IBSP: variants seen among roughly 807,000 people sequenced by gnomAD.
The protein encoded by IBSP is integrin-binding sialoprotein.
A neutral mutation model predicts 25.5 loss-of-function variants in IBSP; 19 were observed. The ratio of observed to expected loss-of-function variants is 0.74; its 90% CI spans 0.52 to 1.09. IBSP has a LOEUF of 1.09. IBSP is among the 50% of genes least tolerant of loss of function. The pLI, the probability that IBSP is intolerant of heterozygous loss-of-function variation, is 0.00. For missense variants in IBSP, 360 were observed against 382.3 expected (o/e 0.94, Z 0.49); for synonymous variants, 144 against 137.6 (o/e 1.05, Z -0.33).
At position 87,811,568 on chromosome 4, in the gene IBSP, A is replaced by C; in HGVS notation, c.612A>C (p.Glu204Asp). 1 of 1,613,696 alleles carries C rather than the reference A, an allele frequency of 6.2e-7. No individual in the cohort carries two copies. Among genetic ancestry groups the C allele is most frequent in the Non-Finnish European group, 8.5e-7 (1 of 1,179,858 alleles). The change falls in exon 7 of 7, where the codon GAA becomes GAC. Residue 204 changes from glutamate to aspartate, a missense_variant. By Grantham distance (45) the Glu-to-Asp change is conservative. Transcript: ENST00000226284. The part of the protein sequence containing the change: ...GGDNGEEGEE[E>D]SVTGANAEDT... ...ACAATGGAGAAGAAGGGGAAGAAGA[A>C]AGTGTCACTGGAGCCAATGCAGAAG... is the stretch of plus-strand genomic sequence containing the variant.
At chr4:87,802,316 T>G (rs1286144077) in intron 1 of IBSP, 32 bp from the exon 2 acceptor site, 3 of 1,370,058 alleles carry the variant, frequency 2.2e-6, no homozygotes, top group Non-Finnish European at 3.0e-6. Context: ...AGTTTTAATA[T>G]TTTATTAACC....
intron 5 of IBSP, among the ~76,000 whole-genome samples, chr4:87,808,953 A>G (rs1402375230): frequency 2.0e-5 from 3 of 152,204 alleles, no homozygotes; most frequent in African/African-American, 7.2e-5. Context: ...TCTCGAGGCC[A>G]TTTCACCTAA....
chr4:87,801,911 A>G (rs1722022233), intron 1 of IBSP, among the ~76,000 whole-genome samples: 1 of 152,186 alleles, frequency 6.6e-6, no homozygotes, highest in Non-Finnish European at 1.5e-5. Flanking sequence ...TACTGGTTTT[A>G]GAGGCATGAG....
Position 87,811,604 on chromosome 4 carries a change from G to C in IBSP, c.648G>C (p.Glu216Asp). The change falls in exon 7 of 7, where the codon GAG becomes GAC. Residue 216 changes from glutamate (E) to aspartate (D), a missense_variant. By Grantham distance (45) the Glu-to-Asp change is conservative. Transcript: ENST00000226284. ...GAGCCAATGCAGAAGACACCACAGA[G>C]ACCGGAAGGCAGGGCAAGGGCACCT... Reference protein sequence around the residue: ...VTGANAEDTTETGRQGKGTSK... With the variant: ...VTGANAEDTTDTGRQGKGTSK... 6.2e-7 allele frequency: 1 copy of C among 1,613,942 alleles called. No individual in the cohort carries two copies. Among genetic ancestry groups the C allele is most frequent in the East Asian group, 2.2e-5 (1 of 44,856 alleles).
At chr4:87,806,272 A>G in intron 5 of IBSP, 88 bp downstream of exon 5, 3 of 962,512 alleles carry the variant, frequency 3.1e-6, no homozygotes, top group Non-Finnish European at 4.8e-6. Flanking sequence ...GACTCAGCAA[A>G]TAGCCATTGT....
At position 87,811,657 on chromosome 4, in the gene IBSP, G is replaced by T. The variant is rs1262583902; in HGVS notation, c.701G>T (p.Gly234Val). Residue 234 changes from glycine to valine, a missense_variant, in exon 7 of 7, where the codon GGG becomes GTG. Physicochemically the swap from Gly to Val is moderately radical, Grantham distance 109. Transcript: ENST00000226284. ...AAGACAACAACCTCTCCAAATGGTG[G>T]GTTTGAACCTACAACCCCACCACAA... ...TSKTTTSPNGGFEPTTPPQVY... is the reference protein window; with the variant it reads ...TSKTTTSPNGVFEPTTPPQVY... 2 of 1,613,686 alleles carry T rather than the reference G, an allele frequency of 1.2e-6. No individual in the cohort carries two copies. The highest frequency in any genetic ancestry group is 2.2e-5 in the East Asian group (1 of 44,826).
chr4:87,805,939 A>G (rs759632962), intron 4 of IBSP, among the ~76,000 whole-genome samples, 183 bp from the exon 5 acceptor site: 4 of 152,202 alleles, frequency 2.6e-5, no homozygotes, highest in Admixed American at 6.5e-5. Flanking sequence ...CTAATCTCCT[A>G]TCTTTCTCAC....
At position 87,811,607 on chromosome 4, in the gene IBSP, C is replaced by T. The variant is rs1181847618; in HGVS notation, c.651C>T (p.Thr217=). Residue 217 remains threonine, a synonymous_variant, in exon 7 of 7, where the codon ACC becomes ACT. Coordinates refer to ENST00000226284, the MANE Select transcript of IBSP (RefSeq NM_004967.4). Reference sequence around the variant, plus strand: ...CCAATGCAGAAGACACCACAGAGACCGGAAGGCAGGGCAAGGGCACCTCGA... The same window carrying T: ...CCAATGCAGAAGACACCACAGAGACTGGAAGGCAGGGCAAGGGCACCTCGA... ...TGANAEDTTE[T]GRQGKGTSKT... 4 of 1,613,696 alleles carry T rather than the reference C, an allele frequency of 2.5e-6. No individual in the cohort carries two copies. Among genetic ancestry groups the T allele is most frequent in the Non-Finnish European group, 3.4e-6 (4 of 1,179,930 alleles).
intron 5 of IBSP, 83 bp downstream of exon 5, chr4:87,806,267 A>C: frequency 1.0e-6 from 1 of 1,003,486 alleles, no homozygotes; most frequent in Non-Finnish European, 1.5e-6. Flanking sequence ...TTCTGGACTC[A>C]GCAAATAGCC....
At chr4:87,802,325 C>G (rs374093919) in intron 1 of IBSP, 23 bp from the exon 2 acceptor site, 1 of 1,485,646 alleles carries the variant, frequency 6.7e-7, no homozygotes, top group African/African-American at 1.4e-5. Context: ...ATTTTATTAA[C>G]CTTACCACTT....
intron 6 of IBSP, 151 bp from the exon 7 acceptor site, chr4:87,811,211 A>T: frequency 1.2e-6 from 1 of 844,648 alleles, no homozygotes; most frequent in Non-Finnish European, 1.8e-6. Context: ...CTGAAGTTTT[A>T]AAGCCCCCAA....
intron 4 of IBSP, among the ~76,000 whole-genome samples, chr4:87,802,966 T>A (rs936777606): frequency 1.3e-5 from 2 of 152,174 alleles, no homozygotes; most frequent in Non-Finnish European, 2.9e-5. Flanking sequence ...TAGAATGATA[T>A]AATAAAAACA....
chr4:87,807,641 G>A (rs186640219), intron 5 of IBSP, among the ~76,000 whole-genome samples: 1 of 152,160 alleles, frequency 6.6e-6, no homozygotes, highest in African/African-American at 2.4e-5. Flanking sequence ...ATAACTTTTG[G>A]GAGTGGCTCT....
chr4:87,806,140 G>A lies in IBSP; in HGVS notation c.202G>A (p.Glu68Lys), dbSNP rs147475864. Residue 68 changes from glutamate to lysine, a missense_variant, in exon 5 of 7, where the codon GAA becomes AAA. By Grantham distance (56) the Glu-to-Lys change is moderately conservative. Coordinates refer to ENST00000226284, the MANE Select transcript of IBSP (RefSeq NM_004967.4). ...TTTTTAGGGCAGTAGTGACTCATCC[G>A]AAGAAAATGGAGATGACAGTTCAGA... ...FPVQGSSDSSEENGDDSSEEE... is the reference protein window; with the variant it reads ...FPVQGSSDSSKENGDDSSEEE... The A allele has an allele frequency of 1.3e-4, 213 of 1,611,520 alleles. No homozygotes were observed. The African/African-American group carries it at 1.9e-3, about 14-fold the overall frequency.
In IBSP at chr4:87,806,140, G is replaced by T; in HGVS notation, c.202G>T (p.Glu68Ter). The T allele has an allele frequency of 6.2e-7, 1 of 1,611,520 alleles. No individual in the cohort carries two copies. Among genetic ancestry groups the T allele is most frequent in the Admixed American group, 1.7e-5 (1 of 59,456 alleles). The stretch of plus-strand genomic sequence containing the variant: ...TTTTTAGGGCAGTAGTGACTCATCC[G>T]AAGAAAATGGAGATGACAGTTCAGA... ...FPVQGSSDSS[E>*]ENGDDSSEEE... The change falls in exon 5 of 7, where the codon GAA becomes TAA. Residue 68 changes from glutamate (E) to a stop codon, truncating the protein, a stop_gained. Coordinates refer to ENST00000226284, the MANE Select transcript of IBSP (RefSeq NM_004967.4). LOFTEE classifies it high-confidence loss of function.
At chr4:87,803,470 G>A (rs1024577983) in intron 4 of IBSP, among the ~76,000 whole-genome samples, 11 of 152,202 alleles carry the variant, frequency 7.2e-5, no homozygotes, top group Admixed American at 3.9e-4. Context: ...AGAGGGTGTG[G>A]TGTTGATTTT....
At chr4:87,805,186 G>T (rs1722073392) in intron 4 of IBSP, among the ~76,000 whole-genome samples, 2 of 152,210 alleles carry the variant, frequency 1.3e-5, no homozygotes, top group African/African-American at 4.8e-5. Context: ...AGAAGTTAGA[G>T]ATCCTTCTGC....
intron 5 of IBSP, among the ~76,000 whole-genome samples, chr4:87,809,628 T>C (rs974470993): frequency 6.6e-6 from 1 of 152,218 alleles, no homozygotes; most frequent in Non-Finnish European, 1.5e-5. Flanking sequence ...TTTACAAATT[T>C]GATGAAACAA....
intron 1 of IBSP, among the ~76,000 whole-genome samples, chr4:87,800,230 T>C (rs1475823364): frequency 6.6e-6 from 1 of 152,212 alleles, no homozygotes; most frequent in Admixed American, 6.5e-5. Flanking sequence ...GTGGTCACTA[T>C]AGAGGTCTTG....
Sources: gnomAD v4.1 joint callset for allele counts (sites outside exome capture counted in the v4.1 genomes callset) on GRCh38, gnomAD v4.1.1 for gene constraint, MANE v1.5 for transcripts, NCBI Gene and HGNC (gene_info 2026-07-23, HGNC 2026-07-21) for gene names.